VEPH1: variants seen among roughly 807,000 people sequenced by gnomAD.
VEPH1 encodes the protein ventricular zone expressed PH domain containing 1, also known as ventricular zone-expressed PH domain-containing protein homolog 1.
Under a neutral mutation model 85.2 loss-of-function variants are expected in VEPH1, and 80 were observed. The observed-to-expected ratio is 0.94, with a 90% confidence interval of 0.78 to 1.13. The LOEUF (loss-of-function observed/expected upper bound fraction) is 1.13. Among genes scored for constraint, VEPH1 ranks in the 50% most tolerant of loss-of-function variants. The pLI, the probability that VEPH1 is intolerant of heterozygous loss-of-function variation, is 0.00. For synonymous variants in VEPH1, 297 were observed against 348.0 expected (o/e 0.85, Z 1.63); for missense variants, 955 against 980.5 (o/e 0.97, Z 0.35).
chr3:157,364,580 A>G lies in VEPH1; in HGVS notation c.1128-68T>C, dbSNP rs931105440. ...ACTCTTCAGAACAGTGTTATTCTCT[A>G]TTTAACTGCCTCTCACTCAGAAGCA... On this transcript the variant is annotated intron_variant, in intron 7 of 13. Coordinates refer to ENST00000362010, the MANE Select transcript of VEPH1 (RefSeq NM_001167912.2). 9.7e-6 allele frequency: 14 copies of G among 1,436,652 alleles called. No individual in the cohort carries two copies. In the African/African-American group the frequency reaches 1.3e-4, roughly 13 times the overall value. The allele number at this position is 1,436,652 out of a possible 1,614,324, so 89.0% of individuals were successfully genotyped here. A position where few individuals can be genotyped will look rare whatever the true frequency, so the allele number is the denominator to read the frequency against.
intron 10 of VEPH1, among the ~76,000 whole-genome samples, chr3:157,314,825 A>G (rs1435182199): frequency 6.6e-6 from 1 of 152,148 alleles, no homozygotes; most frequent in Non-Finnish European, 1.5e-5. Flanking sequence ...AAAGAAAATC[A>G]CATTTACATA....
intron 2 of VEPH1, among the ~76,000 whole-genome samples, chr3:157,483,352 C>T (rs1209651976): frequency 6.6e-6 from 1 of 152,032 alleles, no homozygotes; most frequent in Non-Finnish European, 1.5e-5. Context: ...TAAAATCTTA[C>T]TTATGCTGAA....
intron 12 of VEPH1, 92 bp from the exon 13 acceptor site, chr3:157,265,754 C>T (rs1713553673): frequency 7.7e-7 from 1 of 1,297,920 alleles, no homozygotes; most frequent in Admixed American, 2.4e-5. Flanking sequence ...GTACCAGAAC[C>T]CAGTTAGCAC....
chr3:157,316,277 A>G (rs1210071741), intron 10 of VEPH1: 1 of 152,020 alleles, frequency 6.6e-6, no homozygotes, highest in Non-Finnish European at 1.5e-5. Flanking sequence ...GCCGTGTTAT[A>G]ACATTTGCAT....
intron 5 of VEPH1, among the ~76,000 whole-genome samples, chr3:157,418,578 C>T (rs372004582): frequency 2.0e-4 from 30 of 152,244 alleles, no homozygotes; most frequent in African/African-American, 7.0e-4. Flanking sequence ...AATTCCCATT[C>T]GCAATTGCTG....
intron 2 of VEPH1, among the ~76,000 whole-genome samples, chr3:157,484,788 A>T (rs1053095814): frequency 4.6e-5 from 7 of 152,132 alleles, no homozygotes; most frequent in African/African-American, 1.7e-4. Context: ...CAATGAGAAG[A>T]TCTATGATTA....
At chr3:157,307,592 T>C (rs1029317583) in intron 11 of VEPH1, among the ~76,000 whole-genome samples, 3 of 151,952 alleles carry the variant, frequency 2.0e-5, no homozygotes, top group Non-Finnish European at 2.9e-5. Context: ...CTGGGCTCTT[T>C]ATTATTTACC....
At chr3:157,313,803 A>G (rs981871883) in intron 10 of VEPH1, 48 bp from the exon 11 acceptor site, 10 of 1,599,814 alleles carry the variant, frequency 6.3e-6, no homozygotes, top group Non-Finnish European at 7.7e-6. Flanking sequence ...GTCTTGTCCC[A>G]ATAGTATTGT....
At chr3:157,376,331 A>G (rs1728102403) in intron 7 of VEPH1, among the ~76,000 whole-genome samples, 3 of 152,158 alleles carry the variant, frequency 2.0e-5, no homozygotes, top group South Asian at 4.1e-4. Flanking sequence ...CTTCTAGGCA[A>G]TGATCACTCC....
chr3:157,366,997 T>C (rs1726782909), intron 7 of VEPH1, among the ~76,000 whole-genome samples: 1 of 152,124 alleles, frequency 6.6e-6, no homozygotes, highest in Non-Finnish European at 1.5e-5. Flanking sequence ...GTGGTCAGAA[T>C]TCACCTGTAG....
In VEPH1 at chr3:157,478,515, T is replaced by A. The variant is rs114589120; in HGVS notation, c.139-7986A>T. Reference sequence around the variant, plus strand: ...GATGTTTGTCTGAATGAAACAAGCCTCAATAAAAGTGGAAGGTGCAACTCA... The same window carrying A: ...GATGTTTGTCTGAATGAAACAAGCCACAATAAAAGTGGAAGGTGCAACTCA... On this transcript the variant is annotated intron_variant, in intron 2 of 13. Transcript: ENST00000362010. Among the ~76,000 whole-genome samples, 746 of 152,244 alleles carry A rather than the reference T, an allele frequency of 4.9e-3. 5 individuals are homozygous for A. The highest frequency in any genetic ancestry group is 0.017 in the African/African-American group (717 of 41,542).
intron 9 of VEPH1, among the ~76,000 whole-genome samples, chr3:157,328,467 T>C (rs1722163838): frequency 6.6e-6 from 1 of 152,248 alleles, no homozygotes. Flanking sequence ...ACCTAATTGC[T>C]TATTTTAAAA....
At position 157,364,463 on chromosome 3, in the gene VEPH1, T is replaced by C. The variant is rs1238685720; in HGVS notation, c.1177A>G (p.Lys393Glu). 1.9e-6 allele frequency: 3 copies of C among 1,613,920 alleles called. No individual in the cohort carries two copies. Among genetic ancestry groups the C allele is most frequent in the Non-Finnish European group, 2.5e-6 (3 of 1,179,952 alleles). Residue 393 changes from lysine (K) to glutamate (E), a missense_variant, in exon 8 of 14, where the codon AAG becomes GAG. Lys to Glu is a moderately conservative substitution (Grantham distance 56). Coordinates refer to ENST00000362010, the MANE Select transcript of VEPH1 (RefSeq NM_001167912.2). ...IEFPEKLEET[K>E]LIVTENEDHE... Reference sequence around the variant, plus strand: ...TCTTCATTTTCAGTTACTATGAGCTTGGTTTCTTCCAGTTTCTCAGGGAAT... The same window carrying C: ...TCTTCATTTTCAGTTACTATGAGCTCGGTTTCTTCCAGTTTCTCAGGGAAT...
At position 157,378,420 on chromosome 3, in the gene VEPH1, A is replaced by C. The variant is rs568259927; in HGVS notation, c.1127+2736T>G. On this transcript the variant is annotated intron_variant, in intron 7 of 13. Coordinates refer to ENST00000362010, the MANE Select transcript of VEPH1 (RefSeq NM_001167912.2). Reference sequence around the variant, plus strand: ...TGGGGACATTTAGCAAAACCTGGAGACATTTTTGGTTGTCACAATTGAAAG... The same window carrying C: ...TGGGGACATTTAGCAAAACCTGGAGCCATTTTTGGTTGTCACAATTGAAAG... Among the ~76,000 whole-genome samples, 42 of 147,480 alleles carry C rather than the reference A, an allele frequency of 2.8e-4. 1 individual carries two copies. The highest frequency in any genetic ancestry group is 9.3e-4 in the African/African-American group (37 of 39,850).
intron 6 of VEPH1, among the ~76,000 whole-genome samples, chr3:157,410,775 G>A (rs907980980): frequency 3.9e-5 from 6 of 152,240 alleles, no homozygotes; most frequent in Admixed American, 3.9e-4. Context: ...AAATAAAATG[G>A]AAAAATGGAA....
chr3:157,350,682 C>G (rs1434981139), intron 9 of VEPH1, among the ~76,000 whole-genome samples: 1 of 151,998 alleles, frequency 6.6e-6, no homozygotes, highest in Non-Finnish European at 1.5e-5. Context: ...GCAAAAAAAT[C>G]TAACAATCTG....
At chr3:157,413,249 T>G (rs576390427) in intron 6 of VEPH1, among the ~76,000 whole-genome samples, 5 of 152,242 alleles carry the variant, frequency 3.3e-5, no homozygotes, top group African/African-American at 1.2e-4. Context: ...CCCCATAAAC[T>G]CTGATGGCAT....
intron 2 of VEPH1, among the ~76,000 whole-genome samples, chr3:157,479,514 G>A (rs535713185): frequency 3.0e-4 from 45 of 152,312 alleles, no homozygotes; most frequent in African/African-American, 8.9e-4. Context: ...TGGCAAAAGG[G>A]AGGGAATACC....
At chr3:157,395,431 G>A (rs114806870) in intron 6 of VEPH1, among the ~76,000 whole-genome samples, 4,838 of 152,270 alleles carry the variant, frequency 0.032, 261 homozygotes, top group African/African-American at 0.11. Flanking sequence ...CAGCCTTTGT[G>A]AGTGGACGTC....
Sources: allele counts gnomAD v4.1 joint callset (sites outside exome capture counted in the v4.1 genomes callset), GRCh38; gene constraint gnomAD v4.1.1; transcripts MANE v1.5; gene names NCBI Gene and HGNC (gene_info 2026-07-23, HGNC 2026-07-21).